KCTD9: variants seen among roughly 807,000 people sequenced by gnomAD.
KCTD9 encodes potassium channel tetramerization domain containing 9.
A neutral mutation model predicts 53.3 loss-of-function variants in KCTD9; 17 were observed. That is an observed-to-expected ratio of 0.32 (90% CI 0.22 to 0.48). The LOEUF is 0.48. Among genes scored for constraint, KCTD9 ranks in the 20% least tolerant of loss-of-function variants. KCTD9 has a pLI of 0.99. For missense variants in KCTD9, 179 were observed against 465.5 expected (o/e 0.38, Z 5.66); for synonymous variants, 128 against 162.7 (o/e 0.79, Z 1.62).
At chr8:25,447,143 C>T (rs1328409266) in intron 1 of KCTD9, among the ~76,000 whole-genome samples, 4 of 152,114 alleles carry the variant, frequency 2.6e-5, no homozygotes, top group Admixed American at 2.6e-4. Context: ...CCTGTAATCC[C>T]AGCACTTTGT....
intron 1 of KCTD9, among the ~76,000 whole-genome samples, chr8:25,453,525 C>T (rs1048772076): frequency 4.0e-5 from 6 of 149,634 alleles, no homozygotes; most frequent in African/African-American, 4.9e-5. Flanking sequence ...TGGTGGCGGG[C>T]GCCTGTAATC....
intron 1 of KCTD9, chr8:25,450,447 T>C (rs1802299185): frequency 4.1e-6 from 4 of 984,218 alleles, no homozygotes; most frequent in Non-Finnish European, 4.8e-6. Context: ...CACACCTTTT[T>C]TGTGTGACAG....
chr8:25,440,960 T>C (rs913782246), intron 3 of KCTD9, among the ~76,000 whole-genome samples: 1 of 152,232 alleles, frequency 6.6e-6, no homozygotes, highest in African/African-American at 2.4e-5. Flanking sequence ...AAGCCATCCA[T>C]AGATACTGAC....
chr8:25,450,990 T>G (rs1255075444), intron 1 of KCTD9, among the ~76,000 whole-genome samples: 1 of 152,198 alleles, frequency 6.6e-6, no homozygotes, highest in Non-Finnish European at 1.5e-5. Flanking sequence ...GGGTGGTCAA[T>G]TAGAGAAAAC....
intron 1 of KCTD9, among the ~76,000 whole-genome samples, chr8:25,452,994 T>C (rs1033775664): frequency 3.9e-5 from 6 of 152,166 alleles, no homozygotes; most frequent in East Asian, 1.9e-4. Flanking sequence ...TAGGAAGACA[T>C]TGTCTCCACA....
intron 2 of KCTD9, among the ~76,000 whole-genome samples, chr8:25,444,842 G>C (rs7459536): frequency 0.96 from 146,331 of 152,240 alleles, 70,545 homozygotes; most frequent in East Asian, 1. Flanking sequence ...ACATAACCCA[G>C]AGTTCTGGAC....
chr8:25,440,520 A>C, intron 4 of KCTD9, 57 bp downstream of exon 4: 1 of 1,100,720 alleles, frequency 9.1e-7, no homozygotes, highest in Non-Finnish European at 1.4e-6. Flanking sequence ...TGAAGAACAA[A>C]GGGTACACAG....
intron 1 of KCTD9, chr8:25,457,268 G>T: frequency 1.5e-6 from 1 of 675,632 alleles, no homozygotes; most frequent in Non-Finnish European, 1.8e-6. Flanking sequence ...GAGTATTTTG[G>T]CAACCAACAC....
chr8:25,452,189 T>C (rs376988219), intron 1 of KCTD9, among the ~76,000 whole-genome samples: 3 of 152,150 alleles, frequency 2.0e-5, no homozygotes, highest in African/African-American at 7.2e-5. Context: ...ATTTACATGA[T>C]CTTATTCTTT....
chr8:25,458,067 A>C, intron 1 of KCTD9, 132 bp downstream of exon 1: 1 of 855,264 alleles, frequency 1.2e-6, no homozygotes, highest in Non-Finnish European at 1.8e-6. Context: ...GCTGTCCCCG[A>C]GCGCCCCCAG....
intron 4 of KCTD9, 124 bp from the exon 5 acceptor site, chr8:25,439,788 T>A: frequency 6.6e-7 from 1 of 1,519,676 alleles, no homozygotes; most frequent in Non-Finnish European, 8.8e-7. Flanking sequence ...CTGGTAGGAG[T>A]AACGCTGGGA....
intron 6 of KCTD9, among the ~76,000 whole-genome samples, 186 bp downstream of exon 6, chr8:25,439,093 G>A (rs1480039529): frequency 6.6e-6 from 1 of 152,130 alleles, no homozygotes; most frequent in Non-Finnish European, 1.5e-5. Flanking sequence ...ACCTGCCCGT[G>A]CCTAAATCTA....
Position 25,439,656 on chromosome 8 carries a change from A to G in KCTD9, c.320T>C (p.Leu107Ser). The change falls in exon 5 of 12, where the codon TTA (leucine) becomes TCA (serine). Residue 107 changes from leucine (L) to serine (S), a missense_variant. This residue lies in a region of KCTD9 where 115 missense variants were observed against 250.9 expected (regional missense o/e 0.46). Coordinates refer to ENST00000221200, the MANE Select transcript of KCTD9 (RefSeq NM_017634.4). ...CATACTGTCAGGTTCTTTATTCACT[A>G]AAGTGCTCCTAAGAATTCAGGGAAA... ...GRYFTTTRST[L>S]VNKEPDSMLA... 3 of 1,614,046 alleles carry G rather than the reference A, an allele frequency of 1.9e-6. No individual in the cohort carries two copies. The highest frequency in any genetic ancestry group is 1.7e-6 in the Non-Finnish European group (2 of 1,179,992).
rs116533229 is a variant in KCTD9, at chr8:25,433,691, A to G, written c.814-256T>C. Among the ~76,000 whole-genome samples, 1,476 of 152,338 alleles carry G rather than the reference A, an allele frequency of 9.7e-3. 25 individuals are homozygous for G. The highest frequency in any genetic ancestry group is 0.033 in the African/African-American group (1,373 of 41,562). ...ATTAACAATAGCATGCTCATTTTAC[A>G]TGAAACATAACGGTTTAGATAAAGA... On this transcript the variant is annotated intron_variant, in intron 9 of 11. Transcript: ENST00000221200.
chr8:25,435,540 C>A, intron 8 of KCTD9, 28 bp from the exon 9 acceptor site: 1 of 1,573,286 alleles, frequency 6.4e-7, no homozygotes, highest in South Asian at 1.2e-5. Context: ...AAATTGTCAC[C>A]ATAACTAAAT....
rs1041058167 is a variant in KCTD9, at chr8:25,444,429, G to A, written c.171-94C>T. The A allele has an allele frequency of 4.2e-6, 5 of 1,188,830 alleles. No individual in the cohort carries two copies. The African/African-American group carries it at 7.8e-5, about 19-fold the overall frequency. The allele number at this position is 1,188,830 out of a possible 1,614,324, so 73.6% of individuals were successfully genotyped here. A position where few individuals can be genotyped will look rare whatever the true frequency, so the allele number is the denominator to read the frequency against. ...AGGAACTATTCCTTACAATTATATAGACAATAGGTTTTGCTATCAATCTAG... is the reference window on the plus strand; with the variant it reads ...AGGAACTATTCCTTACAATTATATAAACAATAGGTTTTGCTATCAATCTAG... On this transcript the variant is annotated intron_variant, in intron 2 of 11. Transcript: ENST00000221200.
intron 3 of KCTD9, among the ~76,000 whole-genome samples, chr8:25,443,044 C>T (rs1802152013): frequency 6.6e-6 from 1 of 152,110 alleles, no homozygotes; most frequent in Admixed American, 6.6e-5. Flanking sequence ...ACTATGAAGC[C>T]ATGAGTTATT....
intron 6 of KCTD9, among the ~76,000 whole-genome samples, chr8:25,438,607 C>G (rs1160303389): frequency 6.6e-6 from 1 of 152,228 alleles, no homozygotes; most frequent in Non-Finnish European, 1.5e-5. Context: ...AACTGCCTAC[C>G]ATTCCTCAAG....
At chr8:25,446,349 A>G in intron 1 of KCTD9, 99 bp from the exon 2 acceptor site, 1 of 1,347,914 alleles carries the variant, frequency 7.4e-7, no homozygotes, top group Non-Finnish European at 1.0e-6. Flanking sequence ...AAAGATTATC[A>G]TATAAAAGGA....
Sources: allele counts gnomAD v4.1 joint callset (sites outside exome capture counted in the v4.1 genomes callset), GRCh38; gene constraint gnomAD v4.1.1; regional missense constraint gnomAD v4.1.1; transcripts MANE v1.5; gene names NCBI Gene and HGNC (gene_info 2026-07-23, HGNC 2026-07-21).